Variants in ZC3H18 observed in about 807,000 individuals in gnomAD.
ZC3H18 encodes the protein zinc finger CCCH-type containing 18.
A neutral mutation model predicts 106.1 loss-of-function variants in ZC3H18; 8 were observed. That is an observed-to-expected ratio of 0.08 (90% CI 0.04 to 0.14). The LOEUF is 0.14. Among genes scored for constraint, ZC3H18 ranks in the 10% least tolerant of loss-of-function variants. The pLI, the probability that ZC3H18 is intolerant of heterozygous loss-of-function variation, is 1.00. For missense variants in ZC3H18, 1,318 were observed against 1,278.4 expected, an observed-to-expected ratio of 1.03 and a Z score of -0.47; for synonymous variants, 635 against 522.1, an observed-to-expected ratio of 1.22 and a Z score of -2.95.
chr16:88,591,662 T>G (rs1915759153), intron 3 of ZC3H18, among the ~76,000 whole-genome samples: 1 of 152,194 alleles, frequency 6.6e-6, no homozygotes, highest in Admixed American at 6.5e-5. Context: ...ACTTGGGTGG[T>G]TTCCACCTCT....
At chr16:88,607,153 TGAA>T (rs1905051183) in intron 6 of ZC3H18, among the ~76,000 whole-genome samples, 1 of 152,168 alleles carries the variant, frequency 6.6e-6, no homozygotes, top group Non-Finnish European at 1.5e-5. Flanking sequence ...CCCTGTTCAA[TGAA>T]GAATCCCCTC....
intron 6 of ZC3H18, among the ~76,000 whole-genome samples, chr16:88,604,794 C>G (rs1185586373): frequency 6.6e-6 from 1 of 152,216 alleles, no homozygotes; most frequent in Non-Finnish European, 1.5e-5. Context: ...ACAAGGGCCT[C>G]TAGTGCGCAC....
At chr16:88,593,511 ACT>A (rs1904307762) in intron 3 of ZC3H18, among the ~76,000 whole-genome samples, 1 of 152,214 alleles carries the variant, frequency 6.6e-6, no homozygotes, top group Admixed American at 6.5e-5. Flanking sequence ...GACGCAGGTA[ACT>A]GAAACTGTGG....
chr16:88,622,154 G>C, intron 8 of ZC3H18, 43 bp from the exon 9 acceptor site: 3 of 1,578,388 alleles, frequency 1.9e-6, no homozygotes, highest in Non-Finnish European at 2.6e-6. Context: ...TTGCTGTGAA[G>C]CGGAAGGTGG....
At position 88,580,039 on chromosome 16, in the gene ZC3H18, C is replaced by T. The variant is rs568255995; in HGVS notation, c.603+2313C>T. Among the ~76,000 whole-genome samples, 5 of 152,264 alleles carry T rather than the reference C, an allele frequency of 3.3e-5. No homozygotes were observed. The South Asian group carries it at 1.0e-3, about 32-fold the overall frequency. On this transcript the variant is annotated intron_variant, in intron 2 of 17. Transcript: ENST00000301011. The stretch of plus-strand genomic sequence containing the variant: ...TTGCCCCAGGAGCCCCCGTGGTCTC[C>T]TCTTGTTCCCACGCCCAGCAGCGTT...
At chr16:88,617,646 C>T (rs965350491) in intron 8 of ZC3H18, among the ~76,000 whole-genome samples, 2 of 152,222 alleles carry the variant, frequency 1.3e-5, no homozygotes, top group African/African-American at 4.8e-5. Flanking sequence ...TTTGGGTGCC[C>T]CTTCAGGGCT....
intron 10 of ZC3H18, 171 bp downstream of exon 10, chr16:88,623,515 G>C (rs1008077260): frequency 8.2e-6 from 7 of 852,684 alleles, no homozygotes; most frequent in Admixed American, 2.9e-5. Flanking sequence ...CCAAACACCA[G>C]CCTTGCGGGC....
At chr16:88,596,890 C>T (rs1158085141) in intron 3 of ZC3H18, among the ~76,000 whole-genome samples, 2 of 152,120 alleles carry the variant, frequency 1.3e-5, no homozygotes, top group East Asian at 3.8e-4. Context: ...ATTTTTGAAC[C>T]CCCTATAGAA....
chr16:88,575,824 C>T (rs1056373692), intron 1 of ZC3H18, among the ~76,000 whole-genome samples: 1 of 151,890 alleles, frequency 6.6e-6, no homozygotes, highest in African/African-American at 2.4e-5. Flanking sequence ...AGCGATCCTC[C>T]TGCGTCAGAC....
chr16:88,577,316 A>G lies in ZC3H18; in HGVS notation c.193A>G (p.Asn65Asp), dbSNP rs563761027. The change falls in exon 2 of 18, where the codon AAT (asparagine) becomes GAT (aspartate). Residue 65 changes from asparagine (N) to aspartate (D), a missense_variant. Around this residue, in one of 6 missense-constraint regions of ZC3H18, gnomAD observed 346 missense variants for 269.0 expected, o/e 1.29. Transcript: ENST00000301011. ...ARGPSQEEED[N>D]HSDEEDRASE... ...GGGGCCGAGCCAGGAGGAGGAAGAT[A>G]ATCACTCCGACGAGGAGGACCGGGC... is the stretch of plus-strand genomic sequence containing the variant. 1.9e-6 allele frequency: 3 copies of G among 1,611,440 alleles called. No homozygotes were observed. The highest frequency in any genetic ancestry group is 2.2e-5 in the East Asian group (1 of 44,864).
chr16:88,630,998 G>A lies in ZC3H18; in HGVS notation c.2664-103G>A. The A allele has an allele frequency of 4.1e-6, 6 of 1,448,034 alleles. No individual in the cohort carries two copies. The South Asian group carries it at 7.0e-5, about 17-fold the overall frequency. 89.7% of individuals were successfully genotyped at this position (1,448,034 alleles called of 1,614,324 possible). On this transcript the variant is annotated intron_variant, in intron 17 of 17. Transcript: ENST00000301011. ...TCCAGGGAGCCCCTTGCCTGTCCTG[G>A]TGGCCGCTGAGGACACAGTGGAAGC... is the stretch of plus-strand genomic sequence containing the variant.
chr16:88,571,607 G>C (rs541617945), intron 1 of ZC3H18: 2 of 985,422 alleles, frequency 2.0e-6, no homozygotes, highest in African/African-American at 3.5e-5. Context: ...CTCCTCTCCC[G>C]TTGTAGGTGG....
intron 6 of ZC3H18, among the ~76,000 whole-genome samples, chr16:88,600,207 CTG>C (rs752469337): frequency 5.9e-5 from 9 of 152,194 alleles, no homozygotes; most frequent in Non-Finnish European, 1.3e-4. Flanking sequence ...TTCCTGAGCT[CTG>C]AGAGTTTTCG....
chr16:88,578,375 T>C (rs1473215752), intron 2 of ZC3H18, among the ~76,000 whole-genome samples: 8 of 152,148 alleles, frequency 5.3e-5, no homozygotes, highest in Admixed American at 5.2e-4. Flanking sequence ...ATCCTAGGTA[T>C]GGGTAGGTGG....
chr16:88,618,944 G>C (rs1036567948), intron 8 of ZC3H18, among the ~76,000 whole-genome samples: 5 of 152,192 alleles, frequency 3.3e-5, no homozygotes, highest in Non-Finnish European at 2.9e-5. Context: ...AGCCGCACTC[G>C]GTGGGCTGTC....
rs556573367 is a variant in ZC3H18, at chr16:88,627,972, G to A, written c.2322G>A (p.Ser774=). Residue 774 remains serine (S), a synonymous_variant, in exon 15 of 18, where the codon TCG becomes TCA. Transcript: ENST00000301011. The surrounding 1 kb of genome is among the most constrained non-coding windows in gnomAD (Gnocchi z 4.5). ...AAGAGGAAAAGCGGAAAAGGGATTCGTCCACACAACCACCCAAATCTGCAA... is the reference window on the plus strand; with the variant it reads ...AAGAGGAAAAGCGGAAAAGGGATTCATCCACACAACCACCCAAATCTGCAA... ...GVKEEKRKRD[S]STQPPKSAKP... is the part of the protein sequence containing the mutation. The A allele has an allele frequency of 5.6e-6, 9 of 1,614,144 alleles. No individual in the cohort carries two copies. The East Asian group carries it at 6.7e-5, about 12-fold the overall frequency.
At chr16:88,586,550 G>A in intron 2 of ZC3H18, 50 bp from the exon 3 acceptor site, 1 of 1,487,012 alleles carries the variant, frequency 6.7e-7, no homozygotes. Context: ...AGAAAGCAGT[G>A]CTGATTGATA....
intron 3 of ZC3H18, among the ~76,000 whole-genome samples, chr16:88,596,061 C>T (rs1904421542): frequency 1.3e-5 from 2 of 152,152 alleles, no homozygotes; most frequent in African/African-American, 4.8e-5. Context: ...TGGCCAGGGG[C>T]AGGACAGCGC....
chr16:88,607,638 T>C (rs1905077568), intron 6 of ZC3H18, among the ~76,000 whole-genome samples: 1 of 151,846 alleles, frequency 6.6e-6, no homozygotes, highest in Admixed American at 6.6e-5. Flanking sequence ...GTCTCCCCAT[T>C]TATTCACAGG....
Sources: gnomAD v4.1 joint callset for allele counts (sites outside exome capture counted in the v4.1 genomes callset) on GRCh38, gnomAD v4.1.1 for gene constraint, gnomAD v4.1.1 regional missense constraint, Gnocchi (gnomAD v3.1) non-coding constraint, MANE v1.5 for transcripts, NCBI Gene and HGNC (gene_info 2026-07-23, HGNC 2026-07-21) for gene names.